The following MGAT4C variants were observed in gnomAD, a reference collection of about 807,000 sequenced individuals.
MGAT4C encodes alpha-1,3-mannosyl-glycoprotein 4-beta-N-acetylglucosaminyltransferase C.
A neutral mutation model predicts 40.1 loss-of-function variants in MGAT4C; 19 were observed. The observed-to-expected ratio is 0.47, with a 90% CI of 0.33 to 0.70. The LOEUF is 0.70. Ranked by LOEUF, MGAT4C falls within the 30% of genes least tolerant of loss-of-function variation. The pLI is 0.02. For missense variants in MGAT4C, 491 were observed against 563.2 expected (o/e 0.87, Z 1.30); for synonymous variants, 181 against 187.1 (o/e 0.97, Z 0.27).
chr12:86,143,710 C>T (rs1419857733), intron 1 of MGAT4C, among the ~76,000 whole-genome samples: 2 of 152,066 alleles, frequency 1.3e-5, no homozygotes, highest in Non-Finnish European at 2.9e-5. Context: ...TCCGATAAAA[C>T]ACAGATACTT....
chr12:86,730,474 T>C (rs1950889855), intron 1 of MGAT4C, among the ~76,000 whole-genome samples: 1 of 152,074 alleles, frequency 6.6e-6, no homozygotes, highest in Admixed American at 6.6e-5. Context: ...CTCAATGCTA[T>C]AAGCTGTTGT....
At chr12:86,199,144 T>A (rs1040824049) in intron 1 of MGAT4C, among the ~76,000 whole-genome samples, 1 of 152,172 alleles carries the variant, frequency 6.6e-6, no homozygotes, top group African/African-American at 2.4e-5. Flanking sequence ...TGCTGCTGCA[T>A]CCCTAGATTT....
intron 1 of MGAT4C, among the ~76,000 whole-genome samples, chr12:86,146,653 C>G (rs925901759): frequency 1.3e-5 from 2 of 151,830 alleles, no homozygotes; most frequent in African/African-American, 4.8e-5. Context: ...TTTCCTATTT[C>G]TTGAAAGCTT....
intron 2 of MGAT4C, among the ~76,000 whole-genome samples, chr12:86,643,012 G>C (rs1021354379): frequency 1.3e-5 from 2 of 151,810 alleles, no homozygotes; most frequent in African/African-American, 4.8e-5. Flanking sequence ...CAATTCCACT[G>C]TTAGGCATAT....
intron 3 of MGAT4C, among the ~76,000 whole-genome samples, chr12:86,423,728 A>AACATT (rs1565752193): frequency 6.6e-6 from 1 of 152,212 alleles, no homozygotes; most frequent in Admixed American, 6.5e-5. Context: ...TAATGTATTG[A>AACATT]ACATTACATT....
chr12:86,188,684 T>A (rs1306163078), intron 1 of MGAT4C, among the ~76,000 whole-genome samples: 1 of 152,004 alleles, frequency 6.6e-6, no homozygotes, highest in Non-Finnish European at 1.5e-5. Flanking sequence ...TACTTTATAT[T>A]TATGACCTTA....
chr12:86,254,847 G>A (rs146427243), intron 1 of MGAT4C, among the ~76,000 whole-genome samples: 1 of 151,972 alleles, frequency 6.6e-6, no homozygotes, highest in Non-Finnish European at 1.5e-5. Context: ...GTCTGACACT[G>A]TCTATAAACT....
At chr12:86,151,993 C>G (rs1036458710) in intron 1 of MGAT4C, among the ~76,000 whole-genome samples, 3 of 152,196 alleles carry the variant, frequency 2.0e-5, no homozygotes, top group Non-Finnish European at 4.4e-5. Context: ...CACCTGACAC[C>G]ATGCTTACAT....
At chr12:86,171,599 A>G (rs1218873903) in intron 1 of MGAT4C, among the ~76,000 whole-genome samples, 1 of 152,200 alleles carries the variant, frequency 6.6e-6, no homozygotes, top group Non-Finnish European at 1.5e-5. Context: ...TAAACTAATG[A>G]TGTTCAATAG....
intron 2 of MGAT4C, among the ~76,000 whole-genome samples, chr12:86,031,874 G>A (rs999988013): frequency 6.6e-6 from 1 of 151,706 alleles, no homozygotes; most frequent in Non-Finnish European, 1.5e-5. Flanking sequence ...CAGGTAATAC[G>A]CATAGTACCT....
At chr12:86,808,185 A>G (rs1217569874) in intron 1 of MGAT4C, among the ~76,000 whole-genome samples, 3 of 152,148 alleles carry the variant, frequency 2.0e-5, no homozygotes, top group Non-Finnish European at 4.4e-5. Context: ...TTACAGCTGA[A>G]TTCTACCAGA....
At chr12:86,065,614 G>C (rs1894464256) in intron 1 of MGAT4C, among the ~76,000 whole-genome samples, 2 of 152,140 alleles carry the variant, frequency 1.3e-5, no homozygotes, top group South Asian at 4.1e-4. Context: ...TACTGAATGG[G>C]CAAAAACTGG....
At chr12:86,120,170 AAT>A (rs1014541517) in intron 1 of MGAT4C, among the ~76,000 whole-genome samples, 3 of 151,264 alleles carry the variant, frequency 2.0e-5, no homozygotes, top group Non-Finnish European at 2.9e-5. Flanking sequence ...AAGAGAAAAA[AAT>A]ATATATATAA....
intron 1 of MGAT4C, among the ~76,000 whole-genome samples, chr12:86,109,302 A>T (rs1014033031): frequency 1.3e-5 from 2 of 152,132 alleles, no homozygotes; most frequent in Non-Finnish European, 2.9e-5. Context: ...AGAAACTGAT[A>T]TATAGCGTGG....
At chr12:86,272,115 T>G (rs1952966160) in intron 4 of MGAT4C, among the ~76,000 whole-genome samples, 1 of 152,150 alleles carries the variant, frequency 6.6e-6, no homozygotes, top group African/African-American at 2.4e-5. Context: ...AACAAAAATA[T>G]ACTGGGGCTC....
At chr12:86,315,780 G>A (rs1451139796) in intron 4 of MGAT4C, among the ~76,000 whole-genome samples, 2 of 151,686 alleles carry the variant, frequency 1.3e-5, no homozygotes, top group Non-Finnish European at 2.9e-5. Context: ...CATCAGTCTC[G>A]GGAAATAATT....
chr12:86,641,774 AAAAGGAGT>A (rs1963398603), intron 2 of MGAT4C, among the ~76,000 whole-genome samples: 1 of 151,806 alleles, frequency 6.6e-6, no homozygotes, highest in African/African-American at 2.4e-5. Flanking sequence ...ACCTCCGCAA[AAAAGGAGT>A]ATAATATACA....
chr12:86,205,219 G>C (rs1257500617), intron 1 of MGAT4C, among the ~76,000 whole-genome samples: 2 of 151,728 alleles, frequency 1.3e-5, no homozygotes, highest in African/African-American at 4.8e-5. Flanking sequence ...GAAATCTTGA[G>C]ATAGTAGAAA....
intron 3 of MGAT4C, among the ~76,000 whole-genome samples, chr12:86,398,055 A>G (rs1170792895): frequency 1.3e-5 from 2 of 152,214 alleles, no homozygotes; most frequent in Admixed American, 6.5e-5. Flanking sequence ...TTAGTTGGGA[A>G]CAACAACAAA....
Sources: allele counts gnomAD v4.1 joint callset (sites outside exome capture counted in the v4.1 genomes callset), GRCh38; gene constraint gnomAD v4.1.1; transcripts MANE v1.5; gene names NCBI Gene and HGNC (gene_info 2026-07-23, HGNC 2026-07-21).